Variants in PARD3 observed in about 807,000 individuals in gnomAD.
The protein encoded by PARD3 is partitioning defective 3 homolog.
Under a neutral mutation model 155.4 loss-of-function variants are expected in PARD3, and 75 were observed. The observed-to-expected ratio is 0.48, with a 90% CI of 0.40 to 0.58. The LOEUF (loss-of-function observed/expected upper bound fraction) is 0.58, where lower values mean the gene tolerates loss of function less well. Among genes scored for constraint, PARD3 ranks in the 20% least tolerant of loss-of-function variants. The probability of loss-of-function intolerance (pLI) is 0.00; values close to 1 mark genes in which losing one functional copy is unlikely to be tolerated. For missense variants in PARD3, 1,642 were observed against 1,721.7 expected (o/e 0.95, Z 0.82); for synonymous variants, 576 against 610.5 (o/e 0.94, Z 0.83).
At chr10:34,618,010 T>C (rs543110670) in intron 2 of PARD3, among the ~76,000 whole-genome samples, 40 of 152,322 alleles carry the variant, frequency 2.6e-4, no homozygotes, top group Admixed American at 1.1e-3. Context: ...CACTCAACTG[T>C]ATTCTGATGG....
chr10:34,354,595 T>C (rs930234286), intron 14 of PARD3, among the ~76,000 whole-genome samples: 1 of 152,054 alleles, frequency 6.6e-6, no homozygotes, highest in African/African-American at 2.4e-5. Flanking sequence ...CACGGGGCTA[T>C]GAAAATCCTT....
At chr10:34,368,825 A>G (rs1201722741) in intron 12 of PARD3, among the ~76,000 whole-genome samples, 1 of 138,824 alleles carries the variant, frequency 7.2e-6, no homozygotes, top group Admixed American at 7.5e-5. Context: ...CTATGTATCA[A>G]TCCATGAGCA....
chr10:34,504,041 G>T (rs939300328), intron 3 of PARD3, among the ~76,000 whole-genome samples: 1 of 152,124 alleles, frequency 6.6e-6, no homozygotes, highest in African/African-American at 2.4e-5. Context: ...TTTACTCTGG[G>T]AAAGTGCTAT....
At chr10:34,506,577 A>C (rs1475202549) in intron 3 of PARD3, among the ~76,000 whole-genome samples, 1 of 152,230 alleles carries the variant, frequency 6.6e-6, no homozygotes, top group African/African-American at 2.4e-5. Context: ...CACTGAAGAG[A>C]GTATAATGTT....
At chr10:34,417,081 C>T (rs1404400492) in intron 5 of PARD3, among the ~76,000 whole-genome samples, 1 of 152,196 alleles carries the variant, frequency 6.6e-6, no homozygotes, top group Non-Finnish European at 1.5e-5. Context: ...ATTTCATCCC[C>T]ACCCAATCAG....
chr10:34,158,865 A>C (rs1448793962), intron 22 of PARD3, among the ~76,000 whole-genome samples: 1 of 152,246 alleles, frequency 6.6e-6, no homozygotes, highest in African/African-American at 2.4e-5. Flanking sequence ...GTGGACAGAC[A>C]TAGCCCTTGA....
chr10:34,614,921 G>A (rs1278298585), intron 2 of PARD3, among the ~76,000 whole-genome samples: 5 of 152,196 alleles, frequency 3.3e-5, no homozygotes, highest in African/African-American at 1.2e-4. Context: ...GCTCATGCCT[G>A]TAATCCCAGC....
intron 22 of PARD3, among the ~76,000 whole-genome samples, chr10:34,217,207 C>T (rs2133443325): frequency 6.6e-6 from 1 of 151,982 alleles, no homozygotes; most frequent in African/African-American, 2.4e-5. Flanking sequence ...TTCCCTGTCC[C>T]TGGGTGCTCT....
In PARD3 at chr10:34,499,450, G is replaced by A. The variant is rs368582073; in HGVS notation, c.403+17529C>T. Reference sequence around the variant, plus strand: ...ATAGACACAAAAAGTTATTTGCGAGGTTTCCATATAAAATTACAACCTTGG... The same window carrying A: ...ATAGACACAAAAAGTTATTTGCGAGATTTCCATATAAAATTACAACCTTGG... On this transcript the variant is annotated intron_variant, in intron 3 of 24. Coordinates refer to ENST00000374788, the MANE Select transcript of PARD3 (RefSeq NM_001184785.2). Among the ~76,000 whole-genome samples the A allele has an allele frequency of 5.7e-4, 86 of 152,076 alleles. 1 individual carries two copies. In the South Asian group the frequency reaches 0.017, roughly 30 times the overall value.
chr10:34,331,228 G>A lies in PARD3; in HGVS notation c.2722C>T (p.Pro908Ser), dbSNP rs749793145. 1 of 1,614,024 alleles carries A rather than the reference G, an allele frequency of 6.2e-7. No individual in the cohort carries two copies. Among genetic ancestry groups the A allele is most frequent in the South Asian group, 1.1e-5 (1 of 91,068 alleles). The change falls in exon 19 of 25, where the codon CCA becomes TCA. Residue 908 changes from proline to serine, a missense_variant. Physicochemically the swap from Pro to Ser is moderately conservative, Grantham distance 74. This residue lies in a region of PARD3 where 1,529 missense variants were observed against 1,587.3 expected (regional missense o/e 0.96). Coordinates refer to ENST00000374788, the MANE Select transcript of PARD3 (RefSeq NM_001184785.2). ...CTGCCTCTGATTATCCGCGGCCGTG[G>A]ACGATGGAAAGGAATATCCCCATTC... ...TLNGDIPFHR[P>S]RPRIIRGRGC...
chr10:34,222,115 T>C (rs1952328968), intron 22 of PARD3, among the ~76,000 whole-genome samples: 3 of 152,162 alleles, frequency 2.0e-5, no homozygotes, highest in Non-Finnish European at 2.9e-5. Context: ...TTTCTTAGAG[T>C]AACATTCAAT....
Position 34,118,638 on chromosome 10 carries a change from G to A in PARD3, c.3668+975C>T, listed in dbSNP as rs147546993. Among the ~76,000 whole-genome samples the A allele has an allele frequency of 2.6e-5, 4 of 152,276 alleles. No homozygotes were observed. The East Asian group carries it at 7.7e-4, about 29-fold the overall frequency. On this transcript the variant is annotated intron_variant, in intron 24 of 24. Coordinates refer to ENST00000374788, the MANE Select transcript of PARD3 (RefSeq NM_001184785.2). ...TGGGATTACAGACCTGAGCCACCGT[G>A]CCTGGCCAGGACTCATCTTTATTAG...
At chr10:34,709,256 T>C (rs752713072) in intron 1 of PARD3, among the ~76,000 whole-genome samples, 7 of 152,184 alleles carry the variant, frequency 4.6e-5, no homozygotes, top group South Asian at 2.1e-4. Flanking sequence ...TTTTAAATAA[T>C]TTTTTACACG....
intron 1 of PARD3, among the ~76,000 whole-genome samples, chr10:34,709,530 G>C (rs1045476708): frequency 6.6e-6 from 1 of 152,200 alleles, no homozygotes; most frequent in Non-Finnish European, 1.5e-5. Flanking sequence ...AAGAAGAGTC[G>C]TGACTCTAAA....
chr10:34,813,256 C>T (rs1205232760), intron 1 of PARD3, among the ~76,000 whole-genome samples: 2 of 152,172 alleles, frequency 1.3e-5, no homozygotes, highest in East Asian at 1.9e-4. Context: ...ATGTTGACCA[C>T]CCTCTTCCTA....
intron 1 of PARD3, among the ~76,000 whole-genome samples, chr10:34,787,110 A>AGT (rs1165884063): frequency 6.6e-6 from 1 of 152,186 alleles, no homozygotes; most frequent in African/African-American, 2.4e-5. Flanking sequence ...GGCCAGGCAC[A>AGT]GTGGCTCACG....
At chr10:34,394,532 C>T (rs1843143775) in intron 7 of PARD3, among the ~76,000 whole-genome samples, 1 of 152,196 alleles carries the variant, frequency 6.6e-6, no homozygotes, top group East Asian at 1.9e-4. Flanking sequence ...TGCCATGTTG[C>T]CAAGACTGGA....
intron 1 of PARD3, among the ~76,000 whole-genome samples, chr10:34,808,350 G>T (rs1344190579): frequency 1.5e-5 from 2 of 131,808 alleles, no homozygotes; most frequent in African/African-American, 6.7e-5. Context: ...TGTAAATAAT[G>T]ACTAAAAGAC....
At chr10:34,436,673 A>G (rs1413425545) in intron 5 of PARD3, among the ~76,000 whole-genome samples, 1 of 152,246 alleles carries the variant, frequency 6.6e-6, no homozygotes, top group Non-Finnish European at 1.5e-5. Flanking sequence ...CAGTATATTT[A>G]TGCAACAGCA....
Sources: gnomAD v4.1 joint callset for allele counts (sites outside exome capture counted in the v4.1 genomes callset) on GRCh38, gnomAD v4.1.1 for gene constraint, gnomAD v4.1.1 regional missense constraint, MANE v1.5 for transcripts, NCBI Gene and HGNC (gene_info 2026-07-23, HGNC 2026-07-21) for gene names.